GRM8: variants seen among roughly 807,000 people sequenced by gnomAD.
The protein encoded by GRM8 is glutamate metabotropic receptor 8.
GRM8 carries 47 observed loss-of-function variants against 87.2 expected under a neutral mutation model. That is an observed-to-expected ratio of 0.54 (90% CI 0.43 to 0.69). The LOEUF (loss-of-function observed/expected upper bound fraction) is 0.69, where lower values mean the gene tolerates loss of function less well. GRM8 is among the 30% of genes least tolerant of loss of function. The pLI is 0.00. For synonymous variants in GRM8, 396 were observed against 404.5 expected (o/e 0.98, Z 0.25); for missense variants, 1,019 against 1,139.2 (o/e 0.89, Z 1.52).
At chr7:126,707,298 T>C (rs964311451) in intron 7 of GRM8, among the ~76,000 whole-genome samples, 2 of 151,916 alleles carry the variant, frequency 1.3e-5, no homozygotes, top group East Asian at 3.9e-4. Flanking sequence ...GTACAAGTAT[T>C]TTTTTTTAAA....
chr7:127,121,053 T>C (rs946203537), intron 2 of GRM8, among the ~76,000 whole-genome samples: 1 of 152,210 alleles, frequency 6.6e-6, no homozygotes, highest in Non-Finnish European at 1.5e-5. Context: ...CATGATGAAA[T>C]GCCAAATAAA....
chr7:126,561,680 G>T (rs1221219033), intron 8 of GRM8, among the ~76,000 whole-genome samples: 1 of 151,280 alleles, frequency 6.6e-6, no homozygotes, highest in Non-Finnish European at 1.5e-5. Context: ...CAACGTGCAG[G>T]TTTGTTACAT....
chr7:126,838,443 T>A (rs992665523), intron 6 of GRM8, among the ~76,000 whole-genome samples: 11 of 152,318 alleles, frequency 7.2e-5, no homozygotes, highest in African/African-American at 2.6e-4. Flanking sequence ...TTTCCTGGAA[T>A]TAAAGAGTAA....
chr7:126,700,669 C>G (rs898702114), intron 7 of GRM8, among the ~76,000 whole-genome samples: 1 of 152,040 alleles, frequency 6.6e-6, no homozygotes, highest in East Asian at 1.9e-4. Context: ...CTGAGCAGGT[C>G]CATTCTCACA....
At chr7:126,453,299 C>T (rs1802858276) in intron 9 of GRM8, among the ~76,000 whole-genome samples, 1 of 151,852 alleles carries the variant, frequency 6.6e-6, no homozygotes, top group East Asian at 2.0e-4. Context: ...ATACATTGCA[C>T]TGTGTTTTCA....
chr7:127,094,245 T>C (rs1824430199), intron 3 of GRM8, among the ~76,000 whole-genome samples: 1 of 152,064 alleles, frequency 6.6e-6, no homozygotes, highest in African/African-American at 2.4e-5. Flanking sequence ...GGAAATGACT[T>C]TGGAAAGGAA....
At chr7:126,892,471 A>AT (rs1439661806) in intron 6 of GRM8, among the ~76,000 whole-genome samples, 1 of 151,942 alleles carries the variant, frequency 6.6e-6, no homozygotes, top group Non-Finnish European at 1.5e-5. Flanking sequence ...TGAACTCATC[A>AT]TTTTTTATGG....
chr7:127,106,138 T>C (rs1206143981), intron 3 of GRM8, among the ~76,000 whole-genome samples: 1 of 152,266 alleles, frequency 6.6e-6, no homozygotes, highest in Non-Finnish European at 1.5e-5. Context: ...TTTTTTTAAA[T>C]TTAATGACTT....
At chr7:127,087,238 G>C (rs1464308924) in intron 3 of GRM8, among the ~76,000 whole-genome samples, 1 of 152,182 alleles carries the variant, frequency 6.6e-6, no homozygotes, top group African/African-American at 2.4e-5. Context: ...ACCAAGCTGT[G>C]GGAGGGGAGA....
chr7:127,129,353 T>A lies in GRM8; in HGVS notation c.511-22641A>T, dbSNP rs1587094868. ...TTTCCTTTGAACTGCTTTCCCCAAA[T>A]CAAGGCAAAAGTACTCAGCATCTTT... On this transcript the variant is annotated intron_variant, in intron 2 of 10. Coordinates refer to ENST00000339582, the MANE Select transcript of GRM8 (RefSeq NM_000845.3). 4.6e-5 allele frequency among the ~76,000 whole-genome samples: 7 copies of A among 152,246 alleles called. No homozygotes were observed. In the South Asian group the frequency reaches 1.5e-3, roughly 32 times the overall value.
chr7:126,764,633 G>A (rs1817995562), intron 7 of GRM8, among the ~76,000 whole-genome samples: 1 of 152,038 alleles, frequency 6.6e-6, no homozygotes, highest in Non-Finnish European at 1.5e-5. Flanking sequence ...TTCTATCTAT[G>A]TACTGGTCTC....
intron 2 of GRM8, among the ~76,000 whole-genome samples, chr7:127,140,743 G>A (rs1005603702): frequency 2.0e-5 from 3 of 152,032 alleles, no homozygotes; most frequent in Admixed American, 6.5e-5. Context: ...GGAGGAATAC[G>A]ATCCTCATAT....
At chr7:126,658,781 C>T (rs1364860512) in intron 7 of GRM8, among the ~76,000 whole-genome samples, 1 of 152,006 alleles carries the variant, frequency 6.6e-6, no homozygotes, top group Non-Finnish European at 1.5e-5. Flanking sequence ...AAAAAATCCT[C>T]TTCGTCTTCT....
At chr7:126,908,491 A>G (rs1354219494) in intron 3 of GRM8, among the ~76,000 whole-genome samples, 2 of 152,206 alleles carry the variant, frequency 1.3e-5, no homozygotes, top group African/African-American at 2.4e-5. Flanking sequence ...TTAAATTGCC[A>G]TGATTACTTA....
chr7:126,706,392 A>G (rs1323338236), intron 7 of GRM8, among the ~76,000 whole-genome samples: 6 of 152,150 alleles, frequency 3.9e-5, no homozygotes, highest in African/African-American at 1.4e-4. Flanking sequence ...TTTGAGTCTC[A>G]GGAAGAGCTT....
At chr7:126,947,386 T>G (rs1807656910) in intron 3 of GRM8, among the ~76,000 whole-genome samples, 1 of 152,158 alleles carries the variant, frequency 6.6e-6, no homozygotes, top group African/African-American at 2.4e-5. Flanking sequence ...ATTGTTTTAG[T>G]TGTAGAGATC....
intron 3 of GRM8, among the ~76,000 whole-genome samples, chr7:126,989,368 A>G: frequency 6.6e-6 from 1 of 152,162 alleles, no homozygotes; most frequent in South Asian, 2.1e-4. Context: ...AATAAATCAT[A>G]ACTCTGCTTC....
At chr7:126,829,099 G>T (rs1563227007) in intron 6 of GRM8, among the ~76,000 whole-genome samples, 1 of 151,674 alleles carries the variant, frequency 6.6e-6, no homozygotes, top group African/African-American at 2.4e-5. Context: ...TTTTACATTT[G>T]CTGAGGAGAG....
chr7:126,741,947 A>T (rs1184897381), intron 7 of GRM8, among the ~76,000 whole-genome samples: 5 of 152,104 alleles, frequency 3.3e-5, no homozygotes, highest in Non-Finnish European at 5.9e-5. Flanking sequence ...CATCCATTAC[A>T]GTCATCCATC....
Sources: allele counts gnomAD v4.1 joint callset (sites outside exome capture counted in the v4.1 genomes callset), GRCh38; gene constraint gnomAD v4.1.1; transcripts MANE v1.5; gene names NCBI Gene and HGNC (gene_info 2026-07-23, HGNC 2026-07-21).